NDC1: variants seen among roughly 807,000 people sequenced by gnomAD.
The protein encoded by NDC1 is NDC1 transmembrane nucleoporin.
A neutral mutation model predicts 89.8 loss-of-function variants in NDC1; 24 were observed. That is an observed-to-expected ratio of 0.27 (90% CI 0.19 to 0.38). NDC1 has a LOEUF of 0.38. NDC1 is among the 10% of genes least tolerant of loss of function. The probability of loss-of-function intolerance (pLI) is 1.00; values close to 1 mark genes in which losing one functional copy is unlikely to be tolerated. For synonymous variants in NDC1, 296 were observed against 284.8 expected (o/e 1.04, Z -0.39); for missense variants, 728 against 797.6 (o/e 0.91, Z 1.05).
At chr1:53,832,469 G>A in intron 3 of NDC1, 21 bp downstream of exon 3, 1 of 1,197,348 alleles carries the variant, frequency 8.4e-7, no homozygotes, top group Non-Finnish European at 1.2e-6. Flanking sequence ...TTTCTAAGAA[G>A]GTTAACATTT....
chr1:53,771,482 T>C (rs1455891570), intron 17 of NDC1, among the ~76,000 whole-genome samples: 1 of 152,228 alleles, frequency 6.6e-6, no homozygotes, highest in Non-Finnish European at 1.5e-5. Flanking sequence ...TTGTCTAGAA[T>C]AGCACTATCT....
At chr1:53,807,566 T>G in intron 8 of NDC1, 90 bp downstream of exon 8, 1 of 1,071,952 alleles carries the variant, frequency 9.3e-7, no homozygotes, top group Non-Finnish European at 1.3e-6. Context: ...GGAAATGGTT[T>G]TGCGTGTGCT....
At chr1:53,830,763 G>T (rs1557591213) in intron 3 of NDC1, among the ~76,000 whole-genome samples, 1 of 151,812 alleles carries the variant, frequency 6.6e-6, no homozygotes, top group African/African-American at 2.4e-5. Flanking sequence ...TCAGGAGGCT[G>T]AGGTAGGAGA....
At chr1:53,799,387 T>A (rs1647831917) in intron 11 of NDC1, among the ~76,000 whole-genome samples, 2 of 152,198 alleles carry the variant, frequency 1.3e-5, no homozygotes, top group Admixed American at 6.5e-5. Flanking sequence ...TGAAAGCTGA[T>A]AACATCTGAA....
intron 4 of NDC1, among the ~76,000 whole-genome samples, chr1:53,827,245 G>C (rs1329535546): frequency 1.4e-5 from 2 of 139,874 alleles, no homozygotes; most frequent in African/African-American, 5.3e-5. Context: ...GAGAACTTAA[G>C]ATCACTCCAA....
intron 5 of NDC1, 62 bp downstream of exon 5, chr1:53,825,736 T>C: frequency 1.4e-6 from 2 of 1,398,318 alleles, no homozygotes; most frequent in Non-Finnish European, 1.9e-6. Context: ...TATATACATA[T>C]GCACCAAGGC....
In NDC1 at chr1:53,772,953, G is replaced by C. The variant is rs976455042; in HGVS notation, c.1801-464C>G. Among the ~76,000 whole-genome samples, 9 of 150,880 alleles carry C rather than the reference G, an allele frequency of 6.0e-5. No individual in the cohort carries two copies. In the East Asian group the frequency reaches 1.7e-3, roughly 29 times the overall value. On this transcript the variant is annotated intron_variant, in intron 16 of 17. Transcript: ENST00000371429. ...GCTCAGCTACTATGACAGTTACCAG[G>C]CCCCCCCCAAAATCCAGACTTGCCC...
At chr1:53,793,417 T>A (rs1222039366) in intron 13 of NDC1, 138 bp from the exon 14 acceptor site, 5 of 711,496 alleles carry the variant, frequency 7.0e-6, no homozygotes, top group Middle Eastern at 4.1e-4. Flanking sequence ...AGAATAATAA[T>A]ACTTAAACAA....
chr1:53,778,374 T>C (rs1396903280), intron 16 of NDC1, among the ~76,000 whole-genome samples: 2 of 152,124 alleles, frequency 1.3e-5, no homozygotes, highest in African/African-American at 4.8e-5. Flanking sequence ...TATAGACCCA[T>C]ATTCTATTTG....
At chr1:53,822,876 A>G (rs1290086495) in intron 5 of NDC1, among the ~76,000 whole-genome samples, 1 of 152,092 alleles carries the variant, frequency 6.6e-6, no homozygotes, top group African/African-American at 2.4e-5. Flanking sequence ...CAATCATCAC[A>G]TCGCGCTCTA....
At chr1:53,805,541 A>G (rs1482484935) in intron 9 of NDC1, among the ~76,000 whole-genome samples, 2 of 152,176 alleles carry the variant, frequency 1.3e-5, no homozygotes, top group African/African-American at 2.4e-5. Flanking sequence ...CATACTGTAG[A>G]TCTAGTTTAA....
rs747339164 is a variant in NDC1 at position 53,765,482 on chromosome 1, T to C, written c.*2488A>G. 6.6e-6 allele frequency: 1 copy of C among 152,166 alleles called. No individual in the cohort carries two copies. Among genetic ancestry groups the C allele is most frequent in the Non-Finnish European group, 1.5e-5 (1 of 68,022 alleles). 9.4% of individuals were successfully genotyped at this position (152,166 alleles called of 1,614,324 possible). A position where few individuals can be genotyped will look rare whatever the true frequency, so the allele number is the denominator to read the frequency against. ...ATATTTCAATTAACTGTTCCATTTT[T>C]TTAAATTGCCAATTTATTTTTCTAC... On this transcript the variant is annotated 3_prime_UTR_variant, in exon 18 of 18. Coordinates refer to ENST00000371429, the MANE Select transcript of NDC1 (RefSeq NM_018087.5).
intron 17 of NDC1, 51 bp downstream of exon 17, chr1:53,772,278 G>T: frequency 6.4e-7 from 1 of 1,555,048 alleles, no homozygotes; most frequent in Non-Finnish European, 8.8e-7. Context: ...CTATTTCTAA[G>T]GAAAGCTCCC....
In NDC1 at chr1:53,798,193, A is replaced by G. The variant is rs147995848; in HGVS notation, c.1223-1049T>C. ...ATTATTATTATTATTATTTTGAGAT[A>G]GAGTCTCACTCTGTGGCCAGGCTGG... On this transcript the variant is annotated intron_variant, in intron 11 of 17. Transcript: ENST00000371429. Among the ~76,000 whole-genome samples the G allele has an allele frequency of 1.3e-3, 142 of 108,356 alleles. 1 individual carries two copies. Among genetic ancestry groups the G allele is most frequent in the African/African-American group, 3.4e-3 (111 of 32,722 alleles). 71.1% of individuals were successfully genotyped at this position (108,356 alleles called of 152,430 possible).
Position 53,772,499 on chromosome 1 carries a change from G to C in NDC1, c.1801-10C>G. 1 of 1,611,198 alleles carries C rather than the reference G, an allele frequency of 6.2e-7. No homozygotes were observed. The highest frequency in any genetic ancestry group is 8.5e-7 in the Non-Finnish European group (1 of 1,178,324). ...AGTACTTGTCGACTGCCTACACCAA[G>C]AAAGAAAACACATCAGTTTAGATTA... On this transcript the variant is annotated splice_polypyrimidine_tract_variant and intron_variant, in intron 16 of 17. Coordinates refer to ENST00000371429, the MANE Select transcript of NDC1 (RefSeq NM_018087.5).
At chr1:53,778,291 ACACACT>A (rs1055914205) in intron 16 of NDC1, among the ~76,000 whole-genome samples, 2 of 150,854 alleles carry the variant, frequency 1.3e-5, no homozygotes, top group African/African-American at 2.4e-5. Flanking sequence ...ACACACACAC[ACACACT>A]GTCACATTTT....
At chr1:53,825,453 CA>C (rs369960654) in intron 5 of NDC1, among the ~76,000 whole-genome samples, 2 of 125,930 alleles carry the variant, frequency 1.6e-5, no homozygotes, top group Non-Finnish European at 3.3e-5. Context: ...AGACTGTCTC[CA>C]AAAAAAAAGA....
intron 4 of NDC1, among the ~76,000 whole-genome samples, chr1:53,827,784 G>A (rs1196748341): frequency 6.6e-6 from 1 of 152,106 alleles, no homozygotes; most frequent in Non-Finnish European, 1.5e-5. Context: ...CTATGTTTGA[G>A]TCACTCTCAT....
intron 13 of NDC1, among the ~76,000 whole-genome samples, chr1:53,794,872 C>T (rs139287382): frequency 5.3e-5 from 8 of 152,116 alleles, no homozygotes; most frequent in African/African-American, 7.2e-5. Flanking sequence ...AGACCAAGAA[C>T]CCATCTCAAA....
Sources: gnomAD v4.1 joint callset for allele counts (sites outside exome capture counted in the v4.1 genomes callset) on GRCh38, gnomAD v4.1.1 for gene constraint, MANE v1.5 for transcripts, NCBI Gene and HGNC (gene_info 2026-07-23, HGNC 2026-07-21) for gene names.